Variants in PTPRZ1 observed in about 807,000 individuals in gnomAD.
The protein encoded by PTPRZ1 is protein tyrosine phosphatase receptor type Z1.
A neutral mutation model predicts 214.1 loss-of-function variants in PTPRZ1; 82 were observed. That is an observed-to-expected ratio of 0.38 (90% CI 0.32 to 0.46). PTPRZ1 has a LOEUF of 0.46. Ranked by LOEUF, PTPRZ1 falls within the 20% of genes least tolerant of loss-of-function variation. The pLI is 1.00. For missense variants in PTPRZ1, 2,603 were observed against 2,748.7 expected (o/e 0.95, Z 1.19); for synonymous variants, 945 against 987.9 (o/e 0.96, Z 0.81).
intron 2 of PTPRZ1, among the ~76,000 whole-genome samples, chr7:121,951,392 G>A (rs1238466794): frequency 1.3e-5 from 2 of 152,124 alleles, no homozygotes; most frequent in East Asian, 3.8e-4. Context: ...GAAAAAGAGT[G>A]ATTTATTTGA....
At chr7:121,987,705 C>T (rs1280399671) in intron 8 of PTPRZ1, among the ~76,000 whole-genome samples, 1 of 152,144 alleles carries the variant, frequency 6.6e-6, no homozygotes, top group Non-Finnish European at 1.5e-5. Context: ...TGTATGCCTT[C>T]TTCTAAGAAG....
chr7:122,055,679 C>A (rs977404790), intron 27 of PTPRZ1, among the ~76,000 whole-genome samples: 27 of 151,786 alleles, frequency 1.8e-4, no homozygotes, highest in African/African-American at 6.5e-4. Context: ...TTTTACTAAA[C>A]TTAATTATAT....
chr7:122,025,915 C>G (rs1443727426), intron 13 of PTPRZ1, among the ~76,000 whole-genome samples: 1 of 152,148 alleles, frequency 6.6e-6, no homozygotes, highest in Non-Finnish European at 1.5e-5. Flanking sequence ...AGAGTATAAA[C>G]TTCAATAAGA....
chr7:122,061,162 G>C lies in PTPRZ1; in HGVS notation c.6890G>C (p.Ser2297Thr), dbSNP rs769022541. ...QEENPSTSLD[S>T]NGAALPDGNI... ...GAGAATCCATCCACCTCTCTGGACA[G>C]TAATGGTGCAGCATTGCCTGATGGA... The change falls in exon 30 of 30, where the codon AGT becomes ACT. Residue 2297 changes from serine to threonine, a missense_variant. Physicochemically the swap from Ser to Thr is moderately conservative, Grantham distance 58. Transcript: ENST00000393386. 4 of 1,610,726 alleles carry C rather than the reference G, an allele frequency of 2.5e-6. No individual in the cohort carries two copies. The highest frequency in any genetic ancestry group is 3.4e-6 in the Non-Finnish European group (4 of 1,177,854).
At position 122,012,211 on chromosome 7, in the gene PTPRZ1, A is replaced by G; in HGVS notation, c.3165A>G (p.Gln1055=). ...TATATGGAAATGAGACTGAACTGCAAATTCCTTCTTTCAATGAGATGGTTT... is the reference window on the plus strand; with the variant it reads ...TATATGGAAATGAGACTGAACTGCAGATTCCTTCTTTCAATGAGATGGTTT... ...EIIYGNETEL[Q]IPSFNEMVYP... The change falls in exon 12 of 30, where the codon CAA becomes CAG. Residue 1055 remains glutamine, a synonymous_variant. Coordinates refer to ENST00000393386, the MANE Select transcript of PTPRZ1 (RefSeq NM_002851.3). The G allele has an allele frequency of 6.2e-7, 1 of 1,613,928 alleles. No homozygotes were observed. Among genetic ancestry groups the G allele is most frequent in the Non-Finnish European group, 8.5e-7 (1 of 1,179,806 alleles).
chr7:122,051,455 A>G lies in PTPRZ1; in HGVS notation c.6112A>G (p.Ser2038Gly). The change falls in exon 24 of 30, where the codon AGT becomes GGT. Residue 2038 changes from serine to glycine, a missense_variant. Physicochemically the swap from Ser to Gly is moderately conservative, Grantham distance 56. This residue lies in a region of PTPRZ1 where 134 missense variants were observed against 183.3 expected (regional missense o/e 0.73). Coordinates refer to ENST00000393386, the MANE Select transcript of PTPRZ1 (RefSeq NM_002851.3). Reference protein sequence around the residue: ...QLLSQSNIQQSDYSAALKQCN... With the variant: ...QLLSQSNIQQGDYSAALKQCN... ...CCTGAGCCAGTCAAATATACAGCAG[A>G]GTGACTATTCTGCAGCCCTAAAGCA... 1.2e-6 allele frequency: 2 copies of G among 1,613,732 alleles called. No individual in the cohort carries two copies. The highest frequency in any genetic ancestry group is 8.5e-7 in the Non-Finnish European group (1 of 1,179,778).
chr7:121,959,486 A>G (rs1796812815), intron 2 of PTPRZ1, among the ~76,000 whole-genome samples: 1 of 152,210 alleles, frequency 6.6e-6, no homozygotes, highest in East Asian at 1.9e-4. Flanking sequence ...ACACATCCTC[A>G]TTCTTATTTT....
chr7:122,014,302 A>C (rs1798780743), intron 12 of PTPRZ1, among the ~76,000 whole-genome samples: 1 of 140,268 alleles, frequency 7.1e-6, no homozygotes, highest in Non-Finnish European at 1.6e-5. Context: ...AATTCTATTT[A>C]ATTATAAAAT....
rs35113798 is a variant in PTPRZ1, at chr7:121,873,328, T to TCA, written c.-151_-150dup. 167,287 of 528,508 alleles carry TCA rather than the reference T, an allele frequency of 0.32. 11,603 individuals carry two copies. The highest frequency in any genetic ancestry group is 0.36 in the African/African-American group (18,226 of 50,598). The allele number at this position is 528,508 out of a possible 1,614,324, so 32.7% of individuals were successfully genotyped here. A position where few individuals can be genotyped will look rare whatever the true frequency, so the allele number is the denominator to read the frequency against. The stretch of plus-strand genomic sequence containing the variant: ...GTCTCTGTCTCTGTCTCTCTCTCTC[T>TCA]CACACACACACACACACACACAAAC... On this transcript the variant is annotated 5_prime_UTR_variant, in exon 1 of 30. Coordinates refer to ENST00000393386, the MANE Select transcript of PTPRZ1 (RefSeq NM_002851.3).
At chr7:122,000,093 G>T (rs1798272850) in intron 10 of PTPRZ1, among the ~76,000 whole-genome samples, 1 of 151,970 alleles carries the variant, frequency 6.6e-6, no homozygotes, top group Non-Finnish European at 1.5e-5. Context: ...AAAACTAAGG[G>T]TTACAAACTT....
chr7:121,916,788 T>A (rs1795441345), intron 1 of PTPRZ1, among the ~76,000 whole-genome samples: 1 of 152,198 alleles, frequency 6.6e-6, no homozygotes, highest in South Asian at 2.1e-4. Flanking sequence ...TCAAGATAGG[T>A]CACCAATTAC....
intron 8 of PTPRZ1, among the ~76,000 whole-genome samples, chr7:121,986,877 A>G (rs1797776366): frequency 6.6e-6 from 1 of 152,186 alleles, no homozygotes; most frequent in Admixed American, 6.5e-5. Flanking sequence ...CTTATCCTAT[A>G]TGTGTGCCTT....
At chr7:121,937,198 G>C (rs564441440) in intron 2 of PTPRZ1, among the ~76,000 whole-genome samples, 55 of 152,330 alleles carry the variant, frequency 3.6e-4, no homozygotes, top group African/African-American at 1.3e-3. Context: ...CTTTGGAAGA[G>C]AGGGAAACTT....
intron 23 of PTPRZ1, among the ~76,000 whole-genome samples, chr7:122,045,499 A>G (rs1261804440): frequency 6.6e-6 from 1 of 152,120 alleles, no homozygotes. Context: ...TGTAAGAGAA[A>G]GATTGGGATC....
chr7:121,897,715 A>G (rs374880038), intron 1 of PTPRZ1, among the ~76,000 whole-genome samples: 30 of 152,272 alleles, frequency 2.0e-4, no homozygotes, highest in East Asian at 1.7e-3. Flanking sequence ...ACCCAAAACT[A>G]TGCACAGCAG....
At chr7:122,006,362 TG>T (rs1798485691) in intron 11 of PTPRZ1, among the ~76,000 whole-genome samples, 1 of 152,072 alleles carries the variant, frequency 6.6e-6, no homozygotes, top group Non-Finnish European at 1.5e-5. Flanking sequence ...GCTGTAATTT[TG>T]TATCATTTAA....
chr7:121,942,932 T>A (rs1796270898), intron 2 of PTPRZ1, among the ~76,000 whole-genome samples: 1 of 152,220 alleles, frequency 6.6e-6, no homozygotes, highest in African/African-American at 2.4e-5. Context: ...ATATGCAAGT[T>A]TTTTAACCAT....
intron 2 of PTPRZ1, among the ~76,000 whole-genome samples, chr7:121,943,045 G>A (rs73214884): frequency 0.013 from 1,936 of 152,090 alleles, 12 homozygotes; most frequent in Non-Finnish European, 0.022. Flanking sequence ...TTATCTGTTT[G>A]GTATTGTTAA....
At chr7:121,982,819 G>T (rs867879321) in intron 6 of PTPRZ1, among the ~76,000 whole-genome samples, 29 of 151,962 alleles carry the variant, frequency 1.9e-4, no homozygotes, top group African/African-American at 6.8e-4. Flanking sequence ...TGTCACCCAG[G>T]CTGGAGTGCG....
Sources: allele counts gnomAD v4.1 joint callset (sites outside exome capture counted in the v4.1 genomes callset), GRCh38; gene constraint gnomAD v4.1.1; regional missense constraint gnomAD v4.1.1; transcripts MANE v1.5; gene names NCBI Gene and HGNC (gene_info 2026-07-23, HGNC 2026-07-21).